Variants in DOCK1 observed in about 807,000 individuals in gnomAD.
DOCK1 encodes the protein dedicator of cytokinesis 1.
A neutral mutation model predicts 262.7 loss-of-function variants in DOCK1; 138 were observed. The observed-to-expected ratio is 0.53, with a 90% confidence interval of 0.46 to 0.61. The LOEUF is 0.61. Ranked by LOEUF, DOCK1 falls within the 20% of genes least tolerant of loss-of-function variation. The pLI is 0.00. For missense variants in DOCK1, 1,908 were observed against 2,370.7 expected, an observed-to-expected ratio of 0.80 and a Z score of 4.05; for synonymous variants, 866 against 867.4, an observed-to-expected ratio of 1.00 and a Z score of 0.03.
chr10:127,204,092 C>T (rs1198425322), intron 27 of DOCK1, among the ~76,000 whole-genome samples: 1 of 152,080 alleles, frequency 6.6e-6, no homozygotes, highest in Non-Finnish European at 1.5e-5. Context: ...ACCTTCTCCC[C>T]CTTGCCTGGA....
At chr10:127,123,429 G>C (rs1474858350) in intron 25 of DOCK1, among the ~76,000 whole-genome samples, 3 of 152,198 alleles carry the variant, frequency 2.0e-5, no homozygotes, top group Admixed American at 2.0e-4. Context: ...TGGGCACCAC[G>C]AGGAAGAGTG....
chr10:127,011,590 G>A (rs1180310580), intron 11 of DOCK1, among the ~76,000 whole-genome samples: 2 of 152,202 alleles, frequency 1.3e-5, no homozygotes, highest in Non-Finnish European at 2.9e-5. Flanking sequence ...CGCAGCATCT[G>A]TCACAGGCTC....
At chr10:127,268,592 C>T (rs1036539162) in intron 29 of DOCK1, among the ~76,000 whole-genome samples, 1 of 148,038 alleles carries the variant, frequency 6.8e-6, no homozygotes, top group Non-Finnish European at 1.5e-5. Flanking sequence ...TTCCCCATTT[C>T]TCAGCCACCC....
chr10:127,084,282 C>T (rs1371120004), intron 23 of DOCK1, among the ~76,000 whole-genome samples: 2 of 152,116 alleles, frequency 1.3e-5, no homozygotes, highest in Non-Finnish European at 2.9e-5. Flanking sequence ...CTGTAGTTAC[C>T]ACGTTATAGT....
intron 18 of DOCK1, among the ~76,000 whole-genome samples, chr10:127,034,571 T>C (rs1001452060): frequency 1.3e-5 from 2 of 152,160 alleles, no homozygotes; most frequent in African/African-American, 4.8e-5. Context: ...TGTTAGTCTC[T>C]GGATGTGGCC....
intron 27 of DOCK1, 86 bp from the exon 28 acceptor site, chr10:127,247,922 T>C: frequency 7.5e-7 from 1 of 1,335,770 alleles, no homozygotes; most frequent in East Asian, 2.4e-5. Context: ...CCTGACAGTT[T>C]CAAGTCCCAG....
At chr10:127,406,219 T>C (rs2067505078) in intron 40 of DOCK1, among the ~76,000 whole-genome samples, 1 of 152,086 alleles carries the variant, frequency 6.6e-6, no homozygotes, top group Non-Finnish European at 1.5e-5. Flanking sequence ...AGGATGGTTA[T>C]CCCAGAATCC....
intron 29 of DOCK1, among the ~76,000 whole-genome samples, chr10:127,266,169 C>T (rs1402261341): frequency 1.3e-5 from 2 of 152,216 alleles, no homozygotes; most frequent in Non-Finnish European, 1.5e-5. Flanking sequence ...AGAGAAGCAC[C>T]TCTGCATCCC....
At chr10:127,149,474 G>A (rs2052263230) in intron 27 of DOCK1, among the ~76,000 whole-genome samples, 1 of 152,168 alleles carries the variant, frequency 6.6e-6, no homozygotes, top group African/African-American at 2.4e-5. Context: ...GCCTCCCATG[G>A]CAAAGGTACC....
intron 27 of DOCK1, chr10:127,138,134 G>A: frequency 1.1e-6 from 1 of 925,488 alleles, no homozygotes; most frequent in South Asian, 1.8e-5. Flanking sequence ...GTAATTTTAT[G>A]GTTTAATAAT....
chr10:127,148,573 G>T (rs1224809892), intron 27 of DOCK1, among the ~76,000 whole-genome samples: 1 of 152,140 alleles, frequency 6.6e-6, no homozygotes, highest in African/African-American at 2.4e-5. Flanking sequence ...CTGGTTTGCC[G>T]ATGATGTTTC....
chr10:127,061,540 G>A, intron 22 of DOCK1, 128 bp from the exon 23 acceptor site: 1 of 767,564 alleles, frequency 1.3e-6, no homozygotes, highest in Non-Finnish European at 2.2e-6. Flanking sequence ...TTGCTTCATA[G>A]ATGTTGAGGA....
At chr10:126,978,067 T>G (rs376301376) in intron 3 of DOCK1, 79 bp downstream of exon 3, 7 of 1,389,134 alleles carry the variant, frequency 5.0e-6, no homozygotes, top group Middle Eastern at 1.9e-4. Context: ...ATCTCATTTG[T>G]GTCTGAGGGT....
chr10:127,409,324 T>C lies in DOCK1; in HGVS notation c.4276T>C (p.Phe1426Leu). The change falls in exon 42 of 52, where the codon TTC becomes CTC. Residue 1426 changes from phenylalanine (F) to leucine (L), a missense_variant. This residue lies in a region of DOCK1 where 267 missense variants were observed against 366.3 expected (regional missense o/e 0.73). Transcript: ENST00000623213. ...KNSPGQYIQC[F>L]TVKPKLDLPP... ...CCCCCTCACCTCAGATATTCAGTGC[T>C]TCACAGTGAAGCCCAAACTCGATCT... is the stretch of plus-strand genomic sequence containing the variant. 1 of 1,613,950 alleles carries C rather than the reference T, an allele frequency of 6.2e-7. No homozygotes were observed. Among genetic ancestry groups the C allele is most frequent in the Non-Finnish European group, 8.5e-7 (1 of 1,179,858 alleles).
At chr10:127,165,559 C>G (rs1400909304) in intron 27 of DOCK1, among the ~76,000 whole-genome samples, 1 of 152,138 alleles carries the variant, frequency 6.6e-6, no homozygotes, top group Non-Finnish European at 1.5e-5. Flanking sequence ...AATGTTCTTT[C>G]CAGCCTATCT....
chr10:127,329,158 A>G (rs970301289), intron 29 of DOCK1, among the ~76,000 whole-genome samples: 10 of 152,190 alleles, frequency 6.6e-5, no homozygotes, highest in African/African-American at 2.4e-4. Flanking sequence ...GAACTAGGAA[A>G]AGACTCCAGT....
At chr10:127,311,822 A>G (rs78381593) in intron 29 of DOCK1, among the ~76,000 whole-genome samples, 1,588 of 151,910 alleles carry the variant, frequency 0.01, 39 homozygotes, top group African/African-American at 0.037. Flanking sequence ...ATTGACTCCT[A>G]CATGCTCAGT....
chr10:127,358,053 T>A (rs919903804), intron 32 of DOCK1, among the ~76,000 whole-genome samples: 2 of 152,134 alleles, frequency 1.3e-5, no homozygotes, highest in Non-Finnish European at 2.9e-5. Context: ...TGGGAACATA[T>A]TGGCAGGATG....
chr10:127,165,151 G>A (rs2053962731), intron 27 of DOCK1, among the ~76,000 whole-genome samples: 2 of 152,180 alleles, frequency 1.3e-5, no homozygotes, highest in South Asian at 4.1e-4. Context: ...GAATTTGAAA[G>A]CATTAATGTT....
Sources: allele counts gnomAD v4.1 joint callset (sites outside exome capture counted in the v4.1 genomes callset), GRCh38; gene constraint gnomAD v4.1.1; regional missense constraint gnomAD v4.1.1; transcripts MANE v1.5; gene names NCBI Gene and HGNC (gene_info 2026-07-23, HGNC 2026-07-21).